TBC1D12: variants seen among roughly 807,000 people sequenced by gnomAD.
TBC1D12 encodes the protein TBC1 domain family, member 12.
A neutral mutation model predicts 86.7 loss-of-function variants in TBC1D12; 56 were observed. That is an observed-to-expected ratio of 0.65 (90% CI 0.52 to 0.81). TBC1D12 has a LOEUF of 0.81. Among genes scored for constraint, TBC1D12 ranks in the 30% least tolerant of loss-of-function variants. TBC1D12 has a pLI of 0.00. For synonymous variants in TBC1D12, 421 were observed against 411.7 expected, an observed-to-expected ratio of 1.02 and a Z score of -0.27; for missense variants, 1,023 against 1,038.8, an observed-to-expected ratio of 0.98 and a Z score of 0.21.
chr10:94,481,593 A>G (rs2056079201), intron 3 of TBC1D12, among the ~76,000 whole-genome samples: 1 of 152,194 alleles, frequency 6.6e-6, no homozygotes, highest in East Asian at 1.9e-4. Flanking sequence ...TATGGAGTGG[A>G]CTTTGGCTTA....
In TBC1D12 at chr10:94,403,067, G is replaced by C. The variant is rs916617807; in HGVS notation, c.454G>C (p.Ala152Pro). ...CCGGGACTGTCGCGATCTGGAAGAGGCTCGCGGGCTGGCGCGCGCCGGCGG... is the reference window on the plus strand; with the variant it reads ...CCGGGACTGTCGCGATCTGGAAGAGCCTCGCGGGCTGGCGCGCGCCGGCGG... ...PGRDCRDLEEARGLARAGGRE... is the reference protein window; with the variant it reads ...PGRDCRDLEEPRGLARAGGRE... The change falls in exon 1 of 13, where the codon GCT becomes CCT. Residue 152 changes from alanine (A) to proline (P), a missense_variant. Ala to Pro is a conservative substitution (Grantham distance 27). Transcript: ENST00000225235. The C allele has an allele frequency of 1.9e-5, 28 of 1,492,514 alleles. No individual in the cohort carries two copies. The highest frequency in any genetic ancestry group is 2.9e-5 in the African/African-American group (2 of 68,580). The allele number at this position is 1,492,514 out of a possible 1,614,324, so 92.5% of individuals were successfully genotyped here. A position where few individuals can be genotyped will look rare whatever the true frequency, so the allele number is the denominator to read the frequency against.
chr10:94,500,465 C>A, intron 6 of TBC1D12, 138 bp downstream of exon 6: 1 of 534,060 alleles, frequency 1.9e-6, no homozygotes, highest in South Asian at 4.6e-5. Context: ...CTTCATCCCC[C>A]TGTTATGAAG....
intron 2 of TBC1D12, among the ~76,000 whole-genome samples, chr10:94,455,756 C>T (rs2055617842): frequency 6.6e-6 from 1 of 152,084 alleles, no homozygotes; most frequent in Admixed American, 6.6e-5. Flanking sequence ...GTGGTGAAAT[C>T]CTGTCTGCAC....
chr10:94,526,635 T>C (rs1033024030), intron 11 of TBC1D12, among the ~76,000 whole-genome samples: 2 of 152,212 alleles, frequency 1.3e-5, no homozygotes, highest in East Asian at 1.9e-4. Flanking sequence ...CATTCATCTG[T>C]TGTTGGATAC....
intron 11 of TBC1D12, 74 bp downstream of exon 11, chr10:94,522,527 A>C: frequency 3.1e-6 from 2 of 655,300 alleles, no homozygotes; most frequent in Non-Finnish European, 5.0e-6. Context: ...TTTAGGAACT[A>C]GAGTAAATCT....
intron 7 of TBC1D12, among the ~76,000 whole-genome samples, chr10:94,507,595 G>C (rs538877689): frequency 6.6e-6 from 1 of 152,302 alleles, no homozygotes; most frequent in Non-Finnish European, 1.5e-5. Context: ...TATACTGGCA[G>C]ACAGCAGCTA....
intron 1 of TBC1D12, among the ~76,000 whole-genome samples, chr10:94,405,250 T>G (rs1564932056): frequency 6.6e-6 from 1 of 152,148 alleles, no homozygotes; most frequent in Non-Finnish European, 1.5e-5. Flanking sequence ...AGAAGCAAAT[T>G]CTTAGCTCAA....
intron 2 of TBC1D12, among the ~76,000 whole-genome samples, chr10:94,452,338 G>A (rs2055563189): frequency 6.6e-6 from 1 of 151,950 alleles, no homozygotes; most frequent in Non-Finnish European, 1.5e-5. Flanking sequence ...TCCCAGTGTT[G>A]TACATTTTAT....
chr10:94,446,024 A>G (rs1015158082), intron 2 of TBC1D12, among the ~76,000 whole-genome samples: 16 of 151,860 alleles, frequency 1.1e-4, no homozygotes, highest in Admixed American at 5.2e-4. Context: ...CTCTGCTTCA[A>G]TGTGTGTCCT....
At chr10:94,416,202 GTAC>G (rs1255101343) in intron 1 of TBC1D12, among the ~76,000 whole-genome samples, 1 of 152,200 alleles carries the variant, frequency 6.6e-6, no homozygotes, top group East Asian at 1.9e-4. Context: ...AGTTCAGGAT[GTAC>G]TTCTACGTCA....
chr10:94,465,944 G>A (rs545832020), intron 2 of TBC1D12, among the ~76,000 whole-genome samples: 31 of 149,580 alleles, frequency 2.1e-4, no homozygotes, highest in African/African-American at 3.4e-4. Context: ...ATGTATATAC[G>A]CGTATGTATG....
chr10:94,489,157 G>A (rs550257382), intron 3 of TBC1D12, among the ~76,000 whole-genome samples: 5 of 152,286 alleles, frequency 3.3e-5, no homozygotes, highest in East Asian at 1.9e-4. Flanking sequence ...CTGTGATTGC[G>A]AGGCTTGCCG....
rs1397252865 is a variant in TBC1D12, at chr10:94,447,070, A to AC, written c.1095+5051_1095+5052insC. 9.9e-5 allele frequency among the ~76,000 whole-genome samples: 15 copies of AC among 151,876 alleles called. No homozygotes were observed. In the South Asian group the frequency reaches 1.9e-3, roughly 19 times the overall value. ...CCTGAGCTGTTTCAAAAAAAAAAAA[A>AC]AAAAAACCTTTTTTATGTATTATTA... is the stretch of plus-strand genomic sequence containing the variant. On this transcript the variant is annotated intron_variant, in intron 2 of 12. Transcript: ENST00000225235.
intron 1 of TBC1D12, among the ~76,000 whole-genome samples, chr10:94,431,235 A>T (rs1321113130): frequency 6.6e-6 from 1 of 151,794 alleles, no homozygotes; most frequent in Non-Finnish European, 1.5e-5. Context: ...GCCAACATGG[A>T]GAAACCGTGT....
intron 1 of TBC1D12, among the ~76,000 whole-genome samples, chr10:94,412,481 G>A (rs1040760039): frequency 1.3e-5 from 2 of 152,210 alleles, no homozygotes; most frequent in African/African-American, 4.8e-5. Flanking sequence ...GACATTTCCC[G>A]AAGTCTTGAA....
intron 9 of TBC1D12, among the ~76,000 whole-genome samples, chr10:94,517,880 C>T (rs1842040962): frequency 1.3e-5 from 2 of 152,110 alleles, no homozygotes; most frequent in South Asian, 2.1e-4. Context: ...AGGCTGGGTG[C>T]GGTGGCTAAT....
At chr10:94,461,927 A>G (rs992374875) in intron 2 of TBC1D12, among the ~76,000 whole-genome samples, 1 of 152,164 alleles carries the variant, frequency 6.6e-6, no homozygotes, top group Non-Finnish European at 1.5e-5. Context: ...TGGCCTCAAA[A>G]GATCCTCCCA....
chr10:94,441,083 C>G (rs58324538), intron 1 of TBC1D12, among the ~76,000 whole-genome samples: 1 of 151,324 alleles, frequency 6.6e-6, no homozygotes, highest in Non-Finnish European at 1.5e-5. Context: ...CTGCTGACCT[C>G]GTGATCCGCC....
intron 2 of TBC1D12, among the ~76,000 whole-genome samples, chr10:94,469,700 T>G (rs1447204929): frequency 6.6e-6 from 1 of 152,120 alleles, no homozygotes; most frequent in Non-Finnish European, 1.5e-5. Context: ...TCCACCCACC[T>G]CAGCTTCCCA....
Sources: allele counts gnomAD v4.1 joint callset (sites outside exome capture counted in the v4.1 genomes callset), GRCh38; gene constraint gnomAD v4.1.1; transcripts MANE v1.5; gene names NCBI Gene and HGNC (gene_info 2026-07-23, HGNC 2026-07-21).